Variants in ABHD4 observed in about 807,000 individuals in gnomAD.
ABHD4 encodes abhydrolase domain containing 4, N-acyl phospholipase B, also known as (Lyso)-N-acylphosphatidylethanolamine lipase.
ABHD4 carries 35 observed loss-of-function variants against 42.3 expected under a neutral mutation model. That is an observed-to-expected ratio of 0.83 (90% confidence interval 0.63 to 1.10). ABHD4 has a LOEUF of 1.10. Ranked by LOEUF, ABHD4 falls within the 50% of genes least tolerant of loss-of-function variation. The pLI is 0.00. For missense variants in ABHD4, 389 were observed against 454.8 expected (o/e 0.86, Z 1.32); for synonymous variants, 169 against 170.6 (o/e 0.99, Z 0.07).
chr14:22,602,697 C>T (rs1002959981), intron 2 of ABHD4, among the ~76,000 whole-genome samples: 4 of 152,138 alleles, frequency 2.6e-5, no homozygotes, highest in African/African-American at 4.8e-5. Flanking sequence ...GAGCTGGGCA[C>T]GCTGTTTCAA....
intron 4 of ABHD4, among the ~76,000 whole-genome samples, chr14:22,606,148 G>A (rs754306725): frequency 9.9e-5 from 15 of 152,112 alleles, no homozygotes; most frequent in Non-Finnish European, 1.8e-4. Context: ...GAAAGATCTC[G>A]GGGCTTCATT....
chr14:22,610,812 A>C (rs370972795), intron 6 of ABHD4, 47 bp from the exon 7 acceptor site: 19 of 1,487,500 alleles, frequency 1.3e-5, no homozygotes, highest in Non-Finnish European at 1.8e-5. Context: ...GCTTCCCAGC[A>C]CCAGGAATAA....
At chr14:22,604,360 C>G in intron 4 of ABHD4, 1 of 271,094 alleles carries the variant, frequency 3.7e-6, no homozygotes, top group Non-Finnish European at 7.2e-6. Flanking sequence ...ATGCCATTCT[C>G]CTGCCTCAGC....
At chr14:22,607,888 T>C (rs1311027054) in intron 5 of ABHD4, among the ~76,000 whole-genome samples, 2 of 152,224 alleles carry the variant, frequency 1.3e-5, no homozygotes, top group Non-Finnish European at 2.9e-5. Context: ...TCACTCAATT[T>C]TGTAACTCCC....
At chr14:22,606,300 A>G (rs1387525011) in intron 4 of ABHD4, 122 bp from the exon 5 acceptor site, 7 of 694,922 alleles carry the variant, frequency 1.0e-5, no homozygotes, top group African/African-American at 5.3e-5. Flanking sequence ...TTAAATGAAT[A>G]AAGCAAACAA....
intron 1 of ABHD4, chr14:22,600,339 G>A (rs1211572857): frequency 2.7e-6 from 1 of 367,820 alleles, no homozygotes; most frequent in East Asian, 7.6e-5. Flanking sequence ...GAAGGTTCAG[G>A]GAGAGAAACC....
At position 22,610,863 on chromosome 14, in the gene ABHD4, T is replaced by C; in HGVS notation, c.944T>C (p.Ile315Thr). 6.2e-7 allele frequency: 1 copy of C among 1,613,796 alleles called. No individual in the cohort carries two copies. The highest frequency in any genetic ancestry group is 1.1e-5 in the South Asian group (1 of 91,056). The change falls in exon 7 of 7, where the codon ATT becomes ACT. Residue 315 changes from isoleucine to threonine, a missense_variant. Ile to Thr is a moderately conservative substitution (Grantham distance 89). This residue lies in a region of ABHD4 where 249 missense variants were observed against 254.4 expected (regional missense o/e 0.98). Coordinates refer to ENST00000428304, the MANE Select transcript of ABHD4 (RefSeq NM_022060.3). ...RPDSYVRDMEIKGASHHVYAD... is the reference protein window; with the variant it reads ...RPDSYVRDMETKGASHHVYAD... Reference sequence around the variant, plus strand: ...CTGCGGGTTCTCTCTCCACAGGAGATTAAGGGTGCCTCCCACCATGTCTAT... The same window carrying C: ...CTGCGGGTTCTCTCTCCACAGGAGACTAAGGGTGCCTCCCACCATGTCTAT...
chr14:22,604,184 T>C (rs1315724158), intron 4 of ABHD4, 105 bp downstream of exon 4: 3 of 1,320,104 alleles, frequency 2.3e-6, no homozygotes, highest in South Asian at 2.7e-5. Context: ...CCTAGCCTTG[T>C]TATTTAAAGC....
intron 4 of ABHD4, chr14:22,605,831 AC>A: frequency 7.8e-7 from 1 of 1,289,050 alleles, no homozygotes; most frequent in Non-Finnish European, 1.0e-6. Context: ...TCAGAAGTTG[AC>A]CAGTAGACCT....
intron 5 of ABHD4, among the ~76,000 whole-genome samples, chr14:22,608,635 G>A (rs17120368): frequency 0.08 from 12,129 of 152,220 alleles, 863 homozygotes; most frequent in African/African-American, 0.19. Context: ...TAAATCCCCA[G>A]TCTGTGTTTT....
chr14:22,609,915 G>A lies in ABHD4; in HGVS notation c.939+5G>A, dbSNP rs752405504. ...GATTCCTATGTCCGAGACATGGTAT[G>A]TTGCACCACCCAAGGAGTGGAAATG... is the stretch of plus-strand genomic sequence containing the variant. On this transcript the variant is annotated splice_donor_5th_base_variant and intron_variant, in intron 6 of 6. Transcript: ENST00000428304. The A allele has an allele frequency of 6.2e-7, 1 of 1,613,416 alleles. No individual in the cohort carries two copies. Among genetic ancestry groups the A allele is most frequent in the Non-Finnish European group, 8.5e-7 (1 of 1,179,722 alleles).
rs1337871809 is a variant in ABHD4 at position 22,611,278 on chromosome 14, C to T, written c.*330C>T. 1 of 269,852 alleles carries T rather than the reference C, an allele frequency of 3.7e-6. No homozygotes were observed. The highest frequency in any genetic ancestry group is 7.6e-5 in the East Asian group (1 of 13,108). The allele number at this position is 269,852 out of a possible 1,614,324, so 16.7% of individuals were successfully genotyped here. A position where few individuals can be genotyped will look rare whatever the true frequency, so the allele number is the denominator to read the frequency against. ...CAAGCCACATTCACTCTCTCTGTGG[C>T]CTTTCTTCCTCTGGGCAAAGAAGGG... On this transcript the variant is annotated 3_prime_UTR_variant, in exon 7 of 7. Coordinates refer to ENST00000428304, the MANE Select transcript of ABHD4 (RefSeq NM_022060.3).
chr14:22,608,765 G>A (rs1241978713), intron 5 of ABHD4, among the ~76,000 whole-genome samples: 5 of 145,880 alleles, frequency 3.4e-5, no homozygotes, highest in East Asian at 1.9e-4. Flanking sequence ...GCAATGGCAC[G>A]ATCTCGGCTC....
chr14:22,604,236 G>GT (rs2037321930), intron 4 of ABHD4, 157 bp downstream of exon 4: 3 of 914,296 alleles, frequency 3.3e-6, no homozygotes, highest in Admixed American at 2.9e-5. Flanking sequence ...GTTTGAGAAG[G>GT]TTTTTTGTTT....
intron 1 of ABHD4, 34 bp downstream of exon 1, chr14:22,598,363 C>T: frequency 1.3e-6 from 2 of 1,551,586 alleles, no homozygotes; most frequent in Non-Finnish European, 8.7e-7. Context: ...CTCTTTCTCT[C>T]TCTCTCTCTG....
intron 1 of ABHD4, among the ~76,000 whole-genome samples, chr14:22,601,087 C>G (rs2037279599): frequency 6.6e-6 from 1 of 152,192 alleles, no homozygotes; most frequent in Non-Finnish European, 1.5e-5. Context: ...GAATCCAGGT[C>G]TCTCACCTCC....
At position 22,612,244 on chromosome 14, in the gene ABHD4, CA is replaced by C; in HGVS notation, c.*1297del. 1 of 152,876 alleles carries C rather than the reference CA, an allele frequency of 6.5e-6. No individual in the cohort carries two copies. Among genetic ancestry groups the C allele is most frequent in the East Asian group, 1.9e-4 (1 of 5,192 alleles). The allele number at this position is 152,876 out of a possible 1,614,324, so 9.5% of individuals were successfully genotyped here. A position where few individuals can be genotyped will look rare whatever the true frequency, so the allele number is the denominator to read the frequency against. On this transcript the variant is annotated 3_prime_UTR_variant, in exon 7 of 7. Transcript: ENST00000428304. ...ACCTGGTGGCTCCTGCCTGCTCCTT[CA>C]CTTTTGTAAAACCATCCCCTTCACC...
At chr14:22,600,874 G>GTGTA (rs2037276544) in intron 1 of ABHD4, among the ~76,000 whole-genome samples, 1 of 148,652 alleles carries the variant, frequency 6.7e-6, no homozygotes. Flanking sequence ...GTGTGTGTGT[G>GTGTA]TGTAATTCCA....
intron 5 of ABHD4, among the ~76,000 whole-genome samples, chr14:22,608,742 C>A (rs944379048): frequency 1.3e-4 from 19 of 151,052 alleles, no homozygotes; most frequent in African/African-American, 4.7e-4. Context: ...TTGCTCATTG[C>A]CCAGGCTGGA....
Sources: allele counts gnomAD v4.1 joint callset (sites outside exome capture counted in the v4.1 genomes callset), GRCh38; gene constraint gnomAD v4.1.1; regional missense constraint gnomAD v4.1.1; transcripts MANE v1.5; gene names NCBI Gene and HGNC (gene_info 2026-07-23, HGNC 2026-07-21).